Variants in TMPRSS6 observed in about 807,000 individuals in gnomAD.
TMPRSS6 encodes the protein transmembrane serine protease 6.
Under a neutral mutation model 101.5 loss-of-function variants are expected in TMPRSS6, and 67 were observed. That is an observed-to-expected ratio of 0.66 (90% CI 0.54 to 0.81). TMPRSS6 has a LOEUF of 0.81. Ranked by LOEUF, TMPRSS6 falls within the 30% of genes least tolerant of loss-of-function variation. The probability of loss-of-function intolerance (pLI) is 0.00; values close to 1 mark genes in which losing one functional copy is unlikely to be tolerated. For missense variants in TMPRSS6, 1,034 were observed against 1,088.7 expected, an observed-to-expected ratio of 0.95 and a Z score of 0.71; for synonymous variants, 453 against 464.9, an observed-to-expected ratio of 0.97 and a Z score of 0.33.
intron 1 of TMPRSS6, among the ~76,000 whole-genome samples, chr22:37,108,592 C>T (rs527456811): frequency 4.3e-4 from 65 of 152,326 alleles, no homozygotes; most frequent in Non-Finnish European, 7.6e-4. Context: ...GGCGGGGCCG[C>T]GACTCCCCCA....
intron 7 of TMPRSS6, 115 bp from the exon 8 acceptor site, chr22:37,086,534 G>T: frequency 8.8e-7 from 1 of 1,139,274 alleles, no homozygotes; most frequent in Non-Finnish European, 1.3e-6. Context: ...CTGGGTTCTG[G>T]GTCCGGGTCT....
rs756582262 is a variant in TMPRSS6 at position 37,070,612 on chromosome 22, TCCA to T, written c.1710_1712del (p.Gly571del). 29 of 1,612,828 alleles carry T rather than the reference TCCA, an allele frequency of 1.8e-5. No homozygotes were observed. In the African/African-American group the frequency reaches 3.5e-4, roughly 19 times the overall value. On this transcript the variant is annotated inframe_deletion, in exon 15 of 18. Transcript: ENST00000676104. ...GCCACTCACCCTCGGAGGACACAGC[TCCA>T]CCAACAATGCGGCTGGAGGGGCCCT...
In TMPRSS6 at chr22:37,066,009, C is replaced by A; in HGVS notation, c.*71G>T. The A allele has an allele frequency of 6.2e-7, 1 of 1,601,942 alleles. No individual in the cohort carries two copies. Among genetic ancestry groups the A allele is most frequent in the African/African-American group, 1.3e-5 (1 of 74,826 alleles). ...CCCACCCCCCGCCAGAATACTTGTC[C>A]CCCTGCTTGGCAGTTGCCCTGGGCT... On this transcript the variant is annotated 3_prime_UTR_variant, in exon 18 of 18. Coordinates refer to ENST00000676104, the MANE Select transcript of TMPRSS6 (RefSeq NM_001374504.1).
rs1930325502 is a variant in TMPRSS6, at chr22:37,101,710, A to G, written c.202+1506T>C. Among the ~76,000 whole-genome samples, 1 of 151,932 alleles carries G rather than the reference A, an allele frequency of 6.6e-6. No homozygotes were observed. The highest frequency in any genetic ancestry group is 2.4e-5 in the African/African-American group (1 of 41,336). On this transcript the variant is annotated intron_variant, in intron 2 of 17. Transcript: ENST00000676104. The surrounding 1 kb of genome is among the most constrained non-coding windows in gnomAD (Gnocchi z 4.1). ...CCTTGGGTCCTCAGCCCCATGGAGC[A>G]CCTCTCCTGGGGTGGGGGGTGATTT...
intron 7 of TMPRSS6, 34 bp downstream of exon 7, chr22:37,089,544 G>GGCCCACC: frequency 1.5e-6 from 2 of 1,348,864 alleles, no homozygotes; most frequent in Non-Finnish European, 1.0e-6. Flanking sequence ...CCCTTTTCCA[G>GGCCCACC]CCCTCCCTCC....
chr22:37,075,199 G>A lies in TMPRSS6; in HGVS notation c.1278C>T (p.Thr426=). 1.2e-6 allele frequency: 2 copies of A among 1,614,062 alleles called. No individual in the cohort carries two copies. The highest frequency in any genetic ancestry group is 1.7e-6 in the Non-Finnish European group (2 of 1,180,046). Residue 426 remains threonine, a synonymous_variant, in exon 11 of 18, where the codon ACC becomes ACT. Transcript: ENST00000676104. ...VATAGITINF[T]SQISLTGPGV... ...CGGGCCCGGTGAGGGAGATCTGGGA[G>A]GTGAAGTTGATGGTGATCCCGGCCG... is the stretch of plus-strand genomic sequence containing the variant.
intron 1 of TMPRSS6, among the ~76,000 whole-genome samples, chr22:37,104,218 C>T (rs1434222480): frequency 6.6e-6 from 1 of 152,152 alleles, no homozygotes; most frequent in African/African-American, 2.4e-5. Flanking sequence ...CTAGCACTAA[C>T]TCAGTCTAGG....
Position 37,075,299 on chromosome 22 carries a change from G to A in TMPRSS6, c.1197-19C>T, listed in dbSNP as rs370184660. ...ACACAGCCTGGGGGGAGTCAGAGAC[G>A]ACTCAGGGCTGCACTGGCTGGTCTC... On this transcript the variant is annotated intron_variant, in intron 10 of 17. Transcript: ENST00000676104. 9.9e-6 allele frequency: 16 copies of A among 1,612,820 alleles called. No individual in the cohort carries two copies. The highest frequency in any genetic ancestry group is 8.3e-5 in the Admixed American group (5 of 60,008).
chr22:37,068,500 G>T (rs1447013684), intron 16 of TMPRSS6: 10 of 711,298 alleles, frequency 1.4e-5, no homozygotes, highest in Non-Finnish European at 2.1e-5. Context: ...GTCAGTGAAC[G>T]TAGAAAGGGG....
At chr22:37,072,701 C>CGGATGGATGAT (rs1450630123) in intron 13 of TMPRSS6, among the ~76,000 whole-genome samples, 1 of 56,810 alleles carries the variant, frequency 1.8e-5, no homozygotes, top group Non-Finnish European at 3.3e-5. Flanking sequence ...GGGTGATGGA[C>CGGATGGATGAT]GGATGGATGA....
chr22:37,103,527 A>C lies in TMPRSS6; in HGVS notation c.-1-109T>G. 1 of 1,614,128 alleles carries C rather than the reference A, an allele frequency of 6.2e-7. No homozygotes were observed. Among genetic ancestry groups the C allele is most frequent in the Non-Finnish European group, 8.5e-7 (1 of 1,180,012 alleles). ...GGACTTCCCTGCCTTTTGGAGTGGA[A>C]GAGTAACAACATCAGGCGGCAGTGA... On this transcript the variant is annotated intron_variant, in intron 1 of 17. Transcript: ENST00000676104. This position sits in a 1 kb window ranked among gnomAD's most constrained non-coding sequence, Gnocchi z 4.4.
In TMPRSS6 at chr22:37,096,410, C is replaced by T. The variant is rs75746329; in HGVS notation, c.404+238G>A. Among the ~76,000 whole-genome samples the T allele has an allele frequency of 8.9e-3, 1,353 of 152,310 alleles. 25 individuals carry two copies. The highest frequency in any genetic ancestry group is 0.03 in the African/African-American group (1,254 of 41,562). The stretch of plus-strand genomic sequence containing the variant: ...CCAACATCGCCTCGCCTGATGGTGT[C>T]AGGCCCTTGATCAGCCATCACAGTC... On this transcript the variant is annotated intron_variant, in intron 4 of 17. Coordinates refer to ENST00000676104, the MANE Select transcript of TMPRSS6 (RefSeq NM_001374504.1).
chr22:37,109,904 C>G (rs1384679126), upstream of TMPRSS6, among the ~76,000 whole-genome samples: 1 of 152,074 alleles, frequency 6.6e-6, no homozygotes, highest in African/African-American at 2.4e-5. Flanking sequence ...GAGGTAGGGA[C>G]AGCCAAGGAC....
rs1376241991 is a variant in TMPRSS6 at position 37,065,702 on chromosome 22, CCCAAACAG to C, written c.*370_*377del. 9.2e-6 allele frequency: 2 copies of C among 218,134 alleles called. No individual in the cohort carries two copies. The highest frequency in any genetic ancestry group is 4.5e-5 in the African/African-American group (2 of 44,350). 13.5% of individuals were successfully genotyped at this position (218,134 alleles called of 1,614,324 possible). A position where few individuals can be genotyped will look rare whatever the true frequency, so the allele number is the denominator to read the frequency against. ...AATCTGCTCTCTGGAGGCAAGGCTG[CCCAAACAG>C]CCTCTGTACAGAGTGGGGCGCACCT... On this transcript the variant is annotated 3_prime_UTR_variant, in exon 18 of 18. Transcript: ENST00000676104.
Position 37,103,079 on chromosome 22 carries a change from AG to A in TMPRSS6, c.202+136del. ...GGACAGGGAGGGAGACCCAGAGAAC[AG>A]AAGTGACTTGCCCAAGGTCACACAG... On this transcript the variant is annotated intron_variant, in intron 2 of 17. Transcript: ENST00000676104. The surrounding 1 kb of genome is among the most constrained non-coding windows in gnomAD (Gnocchi z 4.4). 1 of 891,572 alleles carries A rather than the reference AG, an allele frequency of 1.1e-6. No individual in the cohort carries two copies. The highest frequency in any genetic ancestry group is 1.4e-5 in the South Asian group (1 of 70,600). The allele number at this position is 891,572 out of a possible 1,614,324, so 55.2% of individuals were successfully genotyped here.
chr22:37,078,251 G>A (rs1248618218), intron 10 of TMPRSS6, among the ~76,000 whole-genome samples: 2 of 152,286 alleles, frequency 1.3e-5, no homozygotes, highest in South Asian at 2.1e-4. Context: ...GGAGTGGAAC[G>A]TTTCACCCTA....
chr22:37,084,809 C>T lies in TMPRSS6; in HGVS notation c.1004G>A (p.Arg335Lys). ...GCTGAGGACGCCCTGGGAGTCGAGC[C>T]TGTTGTCCAGCGTCAGGTTCACTTC... ...ACEVNLTLDN[R>K]LDSQGVLSTP... The change falls in exon 9 of 18, where the codon AGG becomes AAG. Residue 335 changes from arginine to lysine, a missense_variant. Arg to Lys is a conservative substitution (Grantham distance 26, BLOSUM62 2). Transcript: ENST00000676104. 1 of 1,559,648 alleles carries T rather than the reference C, an allele frequency of 6.4e-7. No homozygotes were observed. The highest frequency in any genetic ancestry group is 8.7e-7 in the Non-Finnish European group (1 of 1,151,062).
intron 15 of TMPRSS6, among the ~76,000 whole-genome samples, chr22:37,070,027 C>T (rs1926740004): frequency 6.6e-6 from 1 of 152,096 alleles, no homozygotes. Context: ...GGTTTCAGCC[C>T]ACCAAGCAGA....
chr22:37,071,899 T>G (rs921850545), intron 13 of TMPRSS6, among the ~76,000 whole-genome samples: 1 of 151,974 alleles, frequency 6.6e-6, no homozygotes, highest in Admixed American at 6.6e-5. Context: ...GGTGGATGGA[T>G]GGGTGGATGG....
Sources: allele counts gnomAD v4.1 joint callset (sites outside exome capture counted in the v4.1 genomes callset), GRCh38; gene constraint gnomAD v4.1.1; non-coding constraint Gnocchi (gnomAD v3.1); transcripts MANE v1.5; gene names NCBI Gene and HGNC (gene_info 2026-07-23, HGNC 2026-07-21).